Variants in GNAL observed in about 807,000 individuals in gnomAD.
The protein encoded by GNAL is guanine nucleotide-binding protein G(olf) subunit alpha.
A neutral mutation model predicts 55.1 loss-of-function variants in GNAL; 18 were observed. The observed-to-expected ratio is 0.33, with a 90% CI of 0.23 to 0.48. The LOEUF is 0.48. Ranked by LOEUF, GNAL falls within the 20% of genes least tolerant of loss-of-function variation. GNAL has a pLI of 0.99. For missense variants in GNAL, 412 were observed against 614.1 expected (o/e 0.67, Z 3.48); for synonymous variants, 253 against 237.0 (o/e 1.07, Z -0.62).
At chr18:11,744,876 A>G (rs1316234057) in intron 1 of GNAL, among the ~76,000 whole-genome samples, 1 of 151,998 alleles carries the variant, frequency 6.6e-6, no homozygotes, top group Non-Finnish European at 1.5e-5. Context: ...ATGCCCGGTT[A>G]ACTTTTGTAA....
chr18:11,795,557 G>T (rs1490692653), intron 4 of GNAL, among the ~76,000 whole-genome samples: 1 of 152,212 alleles, frequency 6.6e-6, no homozygotes, highest in East Asian at 1.9e-4. Context: ...ATTTAAGGAT[G>T]GCGACAGAAG....
intron 4 of GNAL, among the ~76,000 whole-genome samples, chr18:11,762,542 G>C (rs2033276942): frequency 6.6e-6 from 1 of 152,212 alleles, no homozygotes; most frequent in South Asian, 2.1e-4. Flanking sequence ...ACACTGAGCT[G>C]AATCTTCCTT....
At chr18:11,817,409 T>C (rs1056747443) in intron 4 of GNAL, among the ~76,000 whole-genome samples, 19 of 152,210 alleles carry the variant, frequency 1.2e-4, no homozygotes, top group African/African-American at 2.9e-4. Flanking sequence ...TTGAGACAGA[T>C]AGACCTTATA....
intron 5 of GNAL, among the ~76,000 whole-genome samples, chr18:11,829,358 T>A (rs141493515): frequency 6.6e-6 from 1 of 152,322 alleles, no homozygotes; most frequent in African/African-American, 2.4e-5. Flanking sequence ...CTAATAACTA[T>A]CTTGTTTTTC....
chr18:11,705,750 CT>C (rs749198189), intron 1 of GNAL, among the ~76,000 whole-genome samples: 8,014 of 118,300 alleles, frequency 0.068, 183 homozygotes, highest in Non-Finnish European at 0.079. Flanking sequence ...ATTTCTATGT[CT>C]TTTTTTTTTT....
chr18:11,862,656 A>G (rs2036173621), intron 6 of GNAL, among the ~76,000 whole-genome samples: 1 of 152,210 alleles, frequency 6.6e-6, no homozygotes, highest in Non-Finnish European at 1.5e-5. Context: ...AGTGATTATC[A>G]AAATTGCCAG....
chr18:11,800,643 A>G lies in GNAL; in HGVS notation c.625-24275A>G, dbSNP rs188781341. Among the ~76,000 whole-genome samples, 11 of 152,266 alleles carry G rather than the reference A, an allele frequency of 7.2e-5. No homozygotes were observed. In the East Asian group the frequency reaches 9.7e-4, roughly 13 times the overall value. ...TTGAATTTGTTCTTTGCCAATTTAT[A>G]TGGTGGTGGGTTATACTCAGGTACA... is the stretch of plus-strand genomic sequence containing the variant. On this transcript the variant is annotated intron_variant, in intron 4 of 11. Coordinates refer to ENST00000334049, the MANE Select transcript of GNAL (RefSeq NM_182978.4).
At chr18:11,760,284 G>A (rs74386667) in intron 4 of GNAL, among the ~76,000 whole-genome samples, 1,870 of 152,264 alleles carry the variant, frequency 0.012, 37 homozygotes, top group African/African-American at 0.043. Flanking sequence ...AGAACATGAG[G>A]TCCCCACACA....
intron 1 of GNAL, chr18:11,702,057 T>C (rs182418840): frequency 6.6e-6 from 1 of 152,296 alleles, no homozygotes; most frequent in Non-Finnish European, 1.5e-5. Context: ...CAGAGCAGCA[T>C]TTGTGTTTTA....
intron 4 of GNAL, among the ~76,000 whole-genome samples, chr18:11,769,664 C>G (rs980788368): frequency 6.6e-6 from 1 of 152,144 alleles, no homozygotes; most frequent in South Asian, 2.1e-4. Flanking sequence ...TATGTTCAAA[C>G]AAATTGAAGT....
chr18:11,769,168 A>C (rs1264847499), intron 4 of GNAL, among the ~76,000 whole-genome samples: 2 of 111,572 alleles, frequency 1.8e-5, no homozygotes, highest in African/African-American at 3.1e-5. Context: ...TATATGTAAT[A>C]TATATTATAA....
chr18:11,832,837 G>A (rs1375538022), intron 5 of GNAL, among the ~76,000 whole-genome samples: 2 of 151,846 alleles, frequency 1.3e-5, no homozygotes, highest in Admixed American at 1.3e-4. Flanking sequence ...TCCAGTCTGG[G>A]TGACAAGAGT....
At position 11,751,989 on chromosome 18, in the gene GNAL, T is replaced by G. The variant is rs8087001; in HGVS notation, c.377-864T>G. On this transcript the variant is annotated intron_variant, in intron 1 of 11. Coordinates refer to ENST00000334049, the MANE Select transcript of GNAL (RefSeq NM_182978.4). This position sits in a 1 kb window ranked among gnomAD's most constrained non-coding sequence, Gnocchi z 4.5. ...CCACGCTCAGCCACCACCCCGGCTGTTTGGGACCCGGCACCCAGCCGAGCG... is the reference window on the plus strand; with the variant it reads ...CCACGCTCAGCCACCACCCCGGCTGGTTGGGACCCGGCACCCAGCCGAGCG... 63,816 of 152,812 alleles carry G rather than the reference T, an allele frequency of 0.42. 17,462 individuals are homozygous for G. The highest frequency in any genetic ancestry group is 0.79 in the African/African-American group (32,729 of 41,550). The allele number at this position is 152,812 out of a possible 1,614,324, so 9.5% of individuals were successfully genotyped here. A position where few individuals can be genotyped will look rare whatever the true frequency, so the allele number is the denominator to read the frequency against.
chr18:11,810,749 A>T (rs2034791151), intron 4 of GNAL: 2 of 152,364 alleles, frequency 1.3e-5, no homozygotes, highest in African/African-American at 4.8e-5. Context: ...TCCCTGTGGC[A>T]TATTTTTCCT....
intron 4 of GNAL, among the ~76,000 whole-genome samples, chr18:11,776,497 A>G (rs530706405): frequency 1.3e-5 from 2 of 152,220 alleles, no homozygotes; most frequent in Admixed American, 6.5e-5. Context: ...GCTTAAGCCC[A>G]GCAGTTCAAG....
At chr18:11,841,118 C>CCAG (rs1469933589) in intron 5 of GNAL, among the ~76,000 whole-genome samples, 3 of 151,996 alleles carry the variant, frequency 2.0e-5, no homozygotes, top group Non-Finnish European at 4.4e-5. Context: ...AAGCAACCTG[C>CCAG]CCACCTCGGC....
At chr18:11,856,645 G>A (rs953434631) in intron 5 of GNAL, among the ~76,000 whole-genome samples, 3 of 151,772 alleles carry the variant, frequency 2.0e-5, no homozygotes, top group Non-Finnish European at 2.9e-5. Context: ...GACAATACAG[G>A]TGGGGCGTGG....
chr18:11,779,276 T>C (rs1304808128), intron 4 of GNAL, among the ~76,000 whole-genome samples: 2 of 152,182 alleles, frequency 1.3e-5, no homozygotes, highest in Non-Finnish European at 2.9e-5. Context: ...TAGTTTGTCA[T>C]TGCACCCAGA....
intron 1 of GNAL, among the ~76,000 whole-genome samples, chr18:11,717,379 C>G (rs1294707900): frequency 6.6e-6 from 1 of 152,244 alleles, no homozygotes; most frequent in African/African-American, 2.4e-5. Context: ...TGAAGGGCTC[C>G]TCAAGTGCCG....
Sources: allele counts gnomAD v4.1 joint callset (sites outside exome capture counted in the v4.1 genomes callset), GRCh38; gene constraint gnomAD v4.1.1; non-coding constraint Gnocchi (gnomAD v3.1); transcripts MANE v1.5; gene names NCBI Gene and HGNC (gene_info 2026-07-23, HGNC 2026-07-21).